The following SLC8A1 variants were observed in gnomAD, a reference collection of about 807,000 sequenced individuals.
The protein encoded by SLC8A1 is sodium/calcium exchanger 1.
Under a neutral mutation model 68.3 loss-of-function variants are expected in SLC8A1, and 18 were observed. That is an observed-to-expected ratio of 0.26 (90% confidence interval 0.18 to 0.39). SLC8A1 has a LOEUF of 0.39. SLC8A1 is among the 10% of genes least tolerant of loss of function. SLC8A1 has a pLI of 1.00. For synonymous variants in SLC8A1, 475 were observed against 415.5 expected (o/e 1.14, Z -1.74); for missense variants, 985 against 1,156.7 (o/e 0.85, Z 2.15).
At chr2:40,262,837 A>C (rs1252362972) in intron 2 of SLC8A1, among the ~76,000 whole-genome samples, 1 of 152,180 alleles carries the variant, frequency 6.6e-6, no homozygotes, top group Non-Finnish European at 1.5e-5. Flanking sequence ...TAAAATTTGG[A>C]TCATATTTAG....
intron 2 of SLC8A1, among the ~76,000 whole-genome samples, chr2:40,332,401 CTCTTTCT>C (rs1476957882): frequency 1.5e-5 from 2 of 135,778 alleles, no homozygotes; most frequent in Non-Finnish European, 3.0e-5. Flanking sequence ...AAATGATATC[CTCTTTCT>C]GCAACATGTG....
chr2:40,361,143 G>A (rs754698388), intron 2 of SLC8A1, among the ~76,000 whole-genome samples: 8 of 152,088 alleles, frequency 5.3e-5, no homozygotes, highest in Non-Finnish European at 1.2e-4. Flanking sequence ...ATGGCATTCG[G>A]GTGTTAACAG....
intron 2 of SLC8A1, among the ~76,000 whole-genome samples, chr2:40,370,328 T>C (rs2149507143): frequency 6.6e-6 from 1 of 152,120 alleles, no homozygotes; most frequent in East Asian, 1.9e-4. Flanking sequence ...GGGAATCAAT[T>C]TACATTTCCA....
At chr2:40,354,803 G>A (rs988911766) in intron 2 of SLC8A1, among the ~76,000 whole-genome samples, 7 of 152,108 alleles carry the variant, frequency 4.6e-5, no homozygotes, top group African/African-American at 1.7e-4. Flanking sequence ...ACTATTTCTA[G>A]GCACATCTTA....
At chr2:40,159,578 G>C (rs550112506) in intron 6 of SLC8A1, among the ~76,000 whole-genome samples, 1 of 152,136 alleles carries the variant, frequency 6.6e-6, no homozygotes, top group Non-Finnish European at 1.5e-5. Flanking sequence ...TGTCTGTGAA[G>C]AGGGAGTATA....
chr2:40,182,671 C>G (rs533206675), intron 2 of SLC8A1, among the ~76,000 whole-genome samples: 1 of 152,304 alleles, frequency 6.6e-6, no homozygotes, highest in South Asian at 2.1e-4. Context: ...TTCAAACAGA[C>G]TACCAAGGAG....
intron 4 of SLC8A1, among the ~76,000 whole-genome samples, chr2:40,170,889 G>C (rs1197291563): frequency 1.3e-5 from 2 of 152,184 alleles, no homozygotes; most frequent in African/African-American, 4.8e-5. Context: ...GGTGATAATA[G>C]TACCTGCTCT....
intron 6 of SLC8A1, among the ~76,000 whole-genome samples, chr2:40,152,004 T>C (rs1364517967): frequency 6.6e-6 from 1 of 152,248 alleles, no homozygotes; most frequent in Non-Finnish European, 1.5e-5. Context: ...GGCTATTGAA[T>C]TCACTTAATG....
chr2:40,169,855 C>A (rs1055239647), intron 4 of SLC8A1, among the ~76,000 whole-genome samples: 1 of 152,142 alleles, frequency 6.6e-6, no homozygotes, highest in African/African-American at 2.4e-5. Flanking sequence ...GTGTGAGGAT[C>A]CCTTGGGCTC....
chr2:40,100,267 T>G (rs1200669724), exon 8 of SLC8A1: 1 of 152,150 alleles, frequency 6.6e-6, no homozygotes, highest in Non-Finnish European at 1.5e-5. Context: ...AATTTTAATT[T>G]AGGCTTGTTT....
chr2:40,330,790 T>A (rs1474563977), intron 2 of SLC8A1, among the ~76,000 whole-genome samples: 1 of 152,210 alleles, frequency 6.6e-6, no homozygotes, highest in Non-Finnish European at 1.5e-5. Context: ...TGATCATGAT[T>A]AATCAAGTAA....
At chr2:40,425,037 AT>A (rs953081540) in intron 2 of SLC8A1, among the ~76,000 whole-genome samples, 1 of 151,828 alleles carries the variant, frequency 6.6e-6, no homozygotes, top group African/African-American at 2.4e-5. Flanking sequence ...TTCTTAATTT[AT>A]TTTTTATTAG....
Position 40,381,481 on chromosome 2 carries a change from A to C in SLC8A1, c.1808+46992T>G, listed in dbSNP as rs1405457153. On this transcript the variant is annotated intron_variant, in intron 2 of 7. Transcript: ENST00000406785. ...AACCTTCAATTCATATCTCCAGAAC[A>C]GGTTTCTTTCTCTTCACTTCGTCAA... is the stretch of plus-strand genomic sequence containing the variant. Among the ~76,000 whole-genome samples, 4 of 151,896 alleles carry C rather than the reference A, an allele frequency of 2.6e-5. No individual in the cohort carries two copies. In the East Asian group the frequency reaches 5.9e-4, roughly 22 times the overall value.
intron 2 of SLC8A1, among the ~76,000 whole-genome samples, chr2:40,180,657 T>C (rs574694557): frequency 1.3e-5 from 2 of 152,364 alleles, no homozygotes; most frequent in South Asian, 4.1e-4. Flanking sequence ...AACCCCTCAT[T>C]GTGAGAGTCA....
chr2:40,241,349 G>C (rs2061196788), intron 2 of SLC8A1, among the ~76,000 whole-genome samples: 1 of 151,986 alleles, frequency 6.6e-6, no homozygotes, highest in Non-Finnish European at 1.5e-5. Context: ...GGACTACCTG[G>C]AATAGGGGGC....
intron 2 of SLC8A1, among the ~76,000 whole-genome samples, chr2:40,200,997 C>G (rs1275903216): frequency 6.6e-6 from 1 of 151,464 alleles, no homozygotes; most frequent in East Asian, 1.9e-4. Flanking sequence ...TTCTTTTATT[C>G]TCTTCTCTTT....
exon 7 of SLC8A1, chr2:40,139,631 G>A (rs371485750): frequency 2.5e-6 from 4 of 1,613,988 alleles, no homozygotes; most frequent in Non-Finnish European, 3.4e-6. Context: ...ATCGAAACAG[G>A]AGGGCAGCTT....
intron 2 of SLC8A1, among the ~76,000 whole-genome samples, chr2:40,230,588 T>A (rs1409626079): frequency 6.6e-6 from 1 of 152,164 alleles, no homozygotes; most frequent in East Asian, 1.9e-4. Flanking sequence ...AAATTAGAAA[T>A]GGTTCAAAGA....
At chr2:40,306,471 G>T (rs536881097) in intron 2 of SLC8A1, among the ~76,000 whole-genome samples, 1 of 151,982 alleles carries the variant, frequency 6.6e-6, no homozygotes, top group East Asian at 1.9e-4. Flanking sequence ...GCATAGCGTG[G>T]AATATTTCAG....
Sources: allele counts gnomAD v4.1 joint callset (sites outside exome capture counted in the v4.1 genomes callset), GRCh38; gene constraint gnomAD v4.1.1; transcripts MANE v1.5; gene names NCBI Gene and HGNC (gene_info 2026-07-23, HGNC 2026-07-21).